The following EXOC4 variants were observed in gnomAD, a reference collection of about 807,000 sequenced individuals.
EXOC4 encodes the protein SEC8-like 1.
Under a neutral mutation model 107.2 loss-of-function variants are expected in EXOC4, and 71 were observed. The ratio of observed to expected loss-of-function variants is 0.66; its 90% CI spans 0.55 to 0.81. The LOEUF (loss-of-function observed/expected upper bound fraction) is 0.81. Ranked by LOEUF, EXOC4 falls within the 30% of genes least tolerant of loss-of-function variation. EXOC4 has a pLI of 0.00. For missense variants in EXOC4, 1,108 were observed against 1,189.6 expected, an observed-to-expected ratio of 0.93 and a Z score of 1.01; for synonymous variants, 456 against 441.2, an observed-to-expected ratio of 1.03 and a Z score of -0.42.
intron 10 of EXOC4, among the ~76,000 whole-genome samples, chr7:133,748,561 G>A (rs1795723978): frequency 6.6e-6 from 1 of 152,140 alleles, no homozygotes; most frequent in African/African-American, 2.4e-5. Context: ...TTTATTTATG[G>A]CTATGATTTA....
Position 133,378,671 on chromosome 7 carries a change from A to G in EXOC4, c.1182+3669A>G, listed in dbSNP as rs1182941057. Reference sequence around the variant, plus strand: ...TGATAAGTTAAGGATGCATATTTCAATCCCTAGAGCAAACATTAAAATTCT... The same window carrying G: ...TGATAAGTTAAGGATGCATATTTCAGTCCCTAGAGCAAACATTAAAATTCT... On this transcript the variant is annotated intron_variant, in intron 7 of 17. Transcript: ENST00000253861. Among the ~76,000 whole-genome samples the G allele has an allele frequency of 2.6e-5, 4 of 152,172 alleles. No individual in the cohort carries two copies. In the East Asian group the frequency reaches 5.8e-4, roughly 22 times the overall value.
At chr7:133,540,066 C>T (rs1193140551) in intron 9 of EXOC4, among the ~76,000 whole-genome samples, 2 of 152,020 alleles carry the variant, frequency 1.3e-5, no homozygotes, top group African/African-American at 2.4e-5. Context: ...AGGAGCAGTT[C>T]GCTATTTGCT....
intron 9 of EXOC4, among the ~76,000 whole-genome samples, chr7:133,572,553 T>C (rs1484282366): frequency 6.6e-6 from 1 of 152,208 alleles, no homozygotes; most frequent in Non-Finnish European, 1.5e-5. Context: ...ATAGTCTTCC[T>C]GTGTGTACAG....
At chr7:133,940,830 C>T (rs1234723274) in intron 14 of EXOC4, among the ~76,000 whole-genome samples, 1 of 151,390 alleles carries the variant, frequency 6.6e-6, no homozygotes, top group Non-Finnish European at 1.5e-5. Flanking sequence ...AAAGTGTTTC[C>T]AAGTCTGGAG....
chr7:133,493,522 G>A (rs564180568), intron 9 of EXOC4, among the ~76,000 whole-genome samples: 1 of 152,246 alleles, frequency 6.6e-6, no homozygotes, highest in South Asian at 2.1e-4. Context: ...GTAACCTGTA[G>A]CACCTGGCAT....
At chr7:133,989,552 A>G (rs1406332953) in intron 14 of EXOC4, among the ~76,000 whole-genome samples, 1 of 152,184 alleles carries the variant, frequency 6.6e-6, no homozygotes, top group Non-Finnish European at 1.5e-5. Context: ...CAACACCCAG[A>G]AGAGTATGCC....
intron 7 of EXOC4, among the ~76,000 whole-genome samples, chr7:133,386,004 T>C (rs1796717911): frequency 6.6e-6 from 1 of 152,214 alleles, no homozygotes; most frequent in African/African-American, 2.4e-5. Context: ...TATGATTGTT[T>C]TCTAATTGTG....
At chr7:134,038,137 C>T (rs1032738830) in intron 17 of EXOC4, among the ~76,000 whole-genome samples, 4 of 152,148 alleles carry the variant, frequency 2.6e-5, no homozygotes, top group East Asian at 1.9e-4. Context: ...GCTAAGGAGT[C>T]GCAGTATCGA....
intron 10 of EXOC4, among the ~76,000 whole-genome samples, chr7:133,715,137 A>C (rs1023739979): frequency 2.6e-5 from 4 of 152,192 alleles, no homozygotes; most frequent in Admixed American, 1.3e-4. Context: ...GCAGCCTTGT[A>C]CTGGGTATTC....
At chr7:134,020,876 C>T (rs1447369110) in intron 17 of EXOC4, among the ~76,000 whole-genome samples, 2 of 151,920 alleles carry the variant, frequency 1.3e-5, no homozygotes, top group Non-Finnish European at 2.9e-5. Flanking sequence ...GTCCCAGCTA[C>T]TTGGGAGGCT....
rs144617030 is a variant in EXOC4, at chr7:133,927,446, G to A, written c.2027+9708G>A. On this transcript the variant is annotated intron_variant, in intron 13 of 17. Transcript: ENST00000253861. Reference sequence around the variant, plus strand: ...AAAGTTCCTGTTGGGAATTTGAAAGGTTCTCAACGTAATATAAGCAACAGC... The same window carrying A: ...AAAGTTCCTGTTGGGAATTTGAAAGATTCTCAACGTAATATAAGCAACAGC... 7.5e-3 allele frequency among the ~76,000 whole-genome samples: 1,139 copies of A among 152,252 alleles called. 15 individuals carry two copies. The highest frequency in any genetic ancestry group is 0.026 in the African/African-American group (1,089 of 41,542).
chr7:133,643,346 A>G (rs1409391887), intron 10 of EXOC4, among the ~76,000 whole-genome samples: 22 of 152,142 alleles, frequency 1.4e-4, no homozygotes, highest in Admixed American at 1.4e-3. Context: ...TGCCTGCTTT[A>G]TTCTAGCCGC....
intron 7 of EXOC4, among the ~76,000 whole-genome samples, chr7:133,459,504 T>C (rs544817668): frequency 6.6e-6 from 1 of 152,332 alleles, no homozygotes; most frequent in East Asian, 1.9e-4. Flanking sequence ...ATATCAGGCA[T>C]GTGAGCTGTT....
intron 10 of EXOC4, among the ~76,000 whole-genome samples, chr7:133,770,091 C>T (rs112610261): frequency 1.3e-5 from 2 of 151,898 alleles, no homozygotes; most frequent in African/African-American, 4.8e-5. Flanking sequence ...TTTGATCCCC[C>T]ATAGCTATTT....
intron 5 of EXOC4, among the ~76,000 whole-genome samples, chr7:133,339,401 G>C (rs571627968): frequency 6.6e-6 from 1 of 152,224 alleles, no homozygotes; most frequent in South Asian, 2.1e-4. Context: ...TGCTGTTTTG[G>C]TGACTATGGC....
intron 9 of EXOC4, among the ~76,000 whole-genome samples, chr7:133,575,377 G>T (rs1288334883): frequency 6.6e-6 from 1 of 152,174 alleles, no homozygotes; most frequent in Non-Finnish European, 1.5e-5. Context: ...CACAAGAGAG[G>T]TATTGGTTTG....
chr7:133,927,857 G>A (rs1334203105), intron 13 of EXOC4, among the ~76,000 whole-genome samples: 1 of 152,162 alleles, frequency 6.6e-6, no homozygotes, highest in Admixed American at 6.5e-5. Flanking sequence ...GTCATTAACT[G>A]GAGACTCAGC....
At chr7:134,023,242 T>C (rs1432506713) in intron 17 of EXOC4, among the ~76,000 whole-genome samples, 1 of 152,212 alleles carries the variant, frequency 6.6e-6, no homozygotes, top group Non-Finnish European at 1.5e-5. Flanking sequence ...TATATTTTGC[T>C]GTATTCTGTC....
chr7:133,726,681 G>C (rs1795221913), intron 10 of EXOC4, among the ~76,000 whole-genome samples: 1 of 152,048 alleles, frequency 6.6e-6, no homozygotes, highest in African/African-American at 2.4e-5. Context: ...CCCTCTACTA[G>C]GAGCCCTTTC....
Sources: gnomAD v4.1 joint callset for allele counts (sites outside exome capture counted in the v4.1 genomes callset) on GRCh38, gnomAD v4.1.1 for gene constraint, MANE v1.5 for transcripts, NCBI Gene and HGNC (gene_info 2026-07-23, HGNC 2026-07-21) for gene names.